The following DUOX2 variants were observed in gnomAD, a reference collection of about 807,000 sequenced individuals.
DUOX2 encodes NADH/NADPH thyroid oxidase p138-tox.
DUOX2 carries 185 observed loss-of-function variants against 183.3 expected under a neutral mutation model. The observed-to-expected ratio is 1.01, with a 90% confidence interval of 0.90 to 1.14. The LOEUF is 1.14. DUOX2 is among the 50% of genes most tolerant of loss of function. The pLI, the probability that DUOX2 is intolerant of heterozygous loss-of-function variation, is 0.00. For synonymous variants in DUOX2, 788 were observed against 812.4 expected, an observed-to-expected ratio of 0.97 and a Z score of 0.51; for missense variants, 1,999 against 2,022.9, an observed-to-expected ratio of 0.99 and a Z score of 0.23.
intron 33 of DUOX2, 134 bp from the exon 34 acceptor site, chr15:45,094,406 G>C: frequency 6.5e-7 from 1 of 1,532,796 alleles, no homozygotes; most frequent in Non-Finnish European, 8.9e-7. Flanking sequence ...GCTTAACGTG[G>C]AGGGGGTGGA....
Position 45,109,557 on chromosome 15 carries a change from A to G in DUOX2, c.1201T>C (p.Leu401=), listed in dbSNP as rs1894321972. 4 of 1,613,506 alleles carry G rather than the reference A, an allele frequency of 2.5e-6. No homozygotes were observed. The highest frequency in any genetic ancestry group is 3.4e-6 in the Non-Finnish European group (4 of 1,179,936). ...TCTTCAACCACTATGTTGTCCTCCA[A>G]CTCCGAAATCTGGGAGGCCATTCCC... ...LLGMASQISE[L]EDNIVVEDLR... Residue 401 remains leucine, a synonymous_variant, in exon 11 of 34, where the codon TTG becomes CTG. Transcript: ENST00000389039.
At chr15:45,113,481 C>G in intron 1 of DUOX2, 56 bp from the exon 2 acceptor site, 12 of 1,343,634 alleles carry the variant, frequency 8.9e-6, no homozygotes, top group Non-Finnish European at 1.2e-5. Context: ...GTTAGGGCGT[C>G]CTCTATGCCT....
rs779052918 is a variant in DUOX2, at chr15:45,094,268, C to T, written c.4529G>A (p.Arg1510His). 6.1e-5 allele frequency: 99 copies of T among 1,614,040 alleles called. 1 individual carries two copies. In the Middle Eastern group the frequency reaches 8.2e-4, roughly 13 times the overall value. Residue 1510 changes from arginine (R) to histidine (H), a missense_variant, in exon 34 of 34, where the codon CGC (arginine) becomes CAC (histidine). Coordinates refer to ENST00000389039, the MANE Select transcript of DUOX2 (RefSeq NM_001363711.2). ...NSLQEVHPQV[R>H]KIGVFSCGPP... Reference sequence around the variant, plus strand: ...GCCGCAGCTGAACACCCCGATCTTGCGCACCTGTCAGGAGATTGGAGAGAG... The same window carrying T: ...GCCGCAGCTGAACACCCCGATCTTGTGCACCTGTCAGGAGATTGGAGAGAG...
intron 29 of DUOX2, 94 bp downstream of exon 29, chr15:45,097,144 C>T (rs1893924650): frequency 6.4e-7 from 1 of 1,570,682 alleles, no homozygotes; most frequent in African/African-American, 1.3e-5. Flanking sequence ...GAGTCAGAGG[C>T]AGTGATGGGG....
rs372384451 is a variant in DUOX2, at chr15:45,094,726, T to A, written c.4396-35A>T. On this transcript the variant is annotated intron_variant, in intron 32 of 33. Coordinates refer to ENST00000389039, the MANE Select transcript of DUOX2 (RefSeq NM_001363711.2). ...CAGGGGCAGGTCAGACCAAAGACAGTCAGGGCCAGCACTCAGCCCGAGCCA... is the reference window on the plus strand; with the variant it reads ...CAGGGGCAGGTCAGACCAAAGACAGACAGGGCCAGCACTCAGCCCGAGCCA... 3.9e-4 allele frequency: 628 copies of A among 1,612,564 alleles called. 1 individual carries two copies. In the Middle Eastern group the frequency reaches 6.3e-3, roughly 16 times the overall value.
Position 45,108,414 on chromosome 15 carries a change from C to G in DUOX2, c.1399-192G>C, listed in dbSNP as rs199137. On this transcript the variant is annotated intron_variant, in intron 12 of 33. Transcript: ENST00000389039. The stretch of plus-strand genomic sequence containing the variant: ...ATCAGTGTGTCCCTACCCACGGTAA[C>G]ACCACGGTCAGGTGCCCTAGGACCA... The G allele has an allele frequency of 1, 673,706 of 675,184 alleles. 336,136 individuals are homozygous for G. The highest frequency in any genetic ancestry group is 1 in the Non-Finnish European group (399,144 of 399,152). 41.8% of individuals were successfully genotyped at this position (675,184 alleles called of 1,614,324 possible).
intron 13 of DUOX2, 101 bp downstream of exon 13, chr15:45,107,946 G>T: frequency 7.3e-7 from 1 of 1,375,674 alleles, no homozygotes. Context: ...GTGGTGGGCT[G>T]ACTGGGAATC....
chr15:45,103,593 G>C (rs189307366), intron 20 of DUOX2, among the ~76,000 whole-genome samples: 22 of 152,308 alleles, frequency 1.4e-4, no homozygotes, highest in Admixed American at 1.3e-3. Flanking sequence ...TCCATTCACT[G>C]TTTCACTGGG....
chr15:45,112,005 C>T (rs1768666662), intron 4 of DUOX2, 50 bp from the exon 5 acceptor site: 2 of 1,597,816 alleles, frequency 1.3e-6, no homozygotes, highest in Admixed American at 1.7e-5. Flanking sequence ...ATTGCGCCCT[C>T]CCCACGGCCA....
rs941541676 is a variant in DUOX2, at chr15:45,108,651, C to T, written c.1398+138G>A. 9 of 989,236 alleles carry T rather than the reference C, an allele frequency of 9.1e-6. No homozygotes were observed. The East Asian group carries it at 1.0e-4, about 11-fold the overall frequency. The allele number at this position is 989,236 out of a possible 1,614,324, so 61.3% of individuals were successfully genotyped here. On this transcript the variant is annotated intron_variant, in intron 12 of 33. Transcript: ENST00000389039. ...CTCTATGATTTACCAACTATGTCAT[C>T]AGTAAAATGGGGAAAATGATTATAC...
intron 24 of DUOX2, 58 bp from the exon 25 acceptor site, chr15:45,099,950 G>T: frequency 1.2e-6 from 2 of 1,610,924 alleles, no homozygotes; most frequent in Non-Finnish European, 1.7e-6. Flanking sequence ...CCCGAGCCCT[G>T]GGCTCTCCCA....
rs778625028 is a variant in DUOX2 at position 45,100,239 on chromosome 15, G to A, written c.3006-11C>T. ...GTGGGCACTGCTGCCCTATAGCAAGGGGAGGCAGGGCAGCAGTGTGGTAAG... is the reference window on the plus strand; with the variant it reads ...GTGGGCACTGCTGCCCTATAGCAAGAGGAGGCAGGGCAGCAGTGTGGTAAG... On this transcript the variant is annotated splice_polypyrimidine_tract_variant and intron_variant, in intron 23 of 33. Transcript: ENST00000389039. 1 of 1,611,428 alleles carries A rather than the reference G, an allele frequency of 6.2e-7. No individual in the cohort carries two copies. The highest frequency in any genetic ancestry group is 1.7e-5 in the Admixed American group (1 of 59,982).
rs201362841 is a variant in DUOX2 at position 45,099,820 on chromosome 15, G to A, written c.3257C>T (p.Thr1086Met). 36 of 1,614,234 alleles carry A rather than the reference G, an allele frequency of 2.2e-5. No individual in the cohort carries two copies. Among genetic ancestry groups the A allele is most frequent in the Middle Eastern group, 1.6e-4 (1 of 6,062 alleles). Reference protein sequence around the residue: ...TLVGIILSRGTAASVSFMFSY... With the variant: ...TLVGIILSRGMAASVSFMFSY... ...GAACATGAAGGAGACGCTGGCCGCC[G>A]TGCCTCGTGACAGGATGATGCCCAC... The change falls in exon 25 of 34, where the codon ACG becomes ATG. Residue 1086 changes from threonine (T) to methionine (M), a missense_variant. Transcript: ENST00000389039.
Position 45,112,591 on chromosome 15 carries a change from C to T in DUOX2, c.288G>A (p.Pro96=), listed in dbSNP as rs777208324. 3 of 1,613,054 alleles carry T rather than the reference C, an allele frequency of 1.9e-6. No individual in the cohort carries two copies. Among genetic ancestry groups the T allele is most frequent in the South Asian group, 2.2e-5 (2 of 91,078 alleles). ...CCAGTACGGTGCGGTTGTGGAGCGA[C>T]GGCAGGCCGGCTATGCCCCGCGTGG... is the stretch of plus-strand genomic sequence containing the variant. ...NAATRGIAGL[P]SLHNRTVLGV... The change falls in exon 4 of 34, where the codon CCG becomes CCA. Residue 96 remains proline, a synonymous_variant. Coordinates refer to ENST00000389039, the MANE Select transcript of DUOX2 (RefSeq NM_001363711.2).
chr15:45,102,032 G>A (rs1894097707), intron 20 of DUOX2, 43 bp from the exon 21 acceptor site: 1 of 1,609,916 alleles, frequency 6.2e-7, no homozygotes, highest in Admixed American at 1.7e-5. Flanking sequence ...ACCCAGCAAG[G>A]TCAGGCTTGG....
chr15:45,106,683 C>A, intron 15 of DUOX2, 42 bp from the exon 16 acceptor site: 2 of 1,610,960 alleles, frequency 1.2e-6, no homozygotes, highest in Non-Finnish European at 1.7e-6. Flanking sequence ...GAGCCCCTCA[C>A]CTAGAGCTCC....
intron 12 of DUOX2, 83 bp from the exon 13 acceptor site, chr15:45,108,305 C>A (rs1191406699): frequency 2.0e-6 from 3 of 1,516,100 alleles, no homozygotes; most frequent in Non-Finnish European, 2.7e-6. Flanking sequence ...GGGCACAGAA[C>A]CTCAGCCGCT....
Position 45,106,148 on chromosome 15 carries a change from T to A in DUOX2, c.2125A>T (p.Lys709Ter). The change falls in exon 17 of 34, where the codon AAG becomes TAG. Residue 709 changes from lysine (K) to a stop codon, truncating the protein, a stop_gained. Coordinates refer to ENST00000389039, the MANE Select transcript of DUOX2 (RefSeq NM_001363711.2). LOFTEE classifies it high-confidence loss of function. ...NNRGCRTLLL[K>*]IPKEYDLVLL... The stretch of plus-strand genomic sequence containing the variant: ...ACCAGGTCATACTCCTTAGGGATCT[T>A]GAGCAGCAGGGTGCGGCATCCTCGG... 3.1e-6 allele frequency: 5 copies of A among 1,614,164 alleles called. No homozygotes were observed. Among genetic ancestry groups the A allele is most frequent in the Non-Finnish European group, 4.2e-6 (5 of 1,180,022 alleles).
At chr15:45,100,271 C>G in intron 23 of DUOX2, 43 bp from the exon 24 acceptor site, 1 of 1,583,648 alleles carries the variant, frequency 6.3e-7, no homozygotes. Flanking sequence ...TAAGGGCCCT[C>G]TGGCCTTCCC....
Sources: gnomAD v4.1 joint callset for allele counts (sites outside exome capture counted in the v4.1 genomes callset) on GRCh38, gnomAD v4.1.1 for gene constraint, MANE v1.5 for transcripts, NCBI Gene and HGNC (gene_info 2026-07-23, HGNC 2026-07-21) for gene names.